Variants in CSMD1 observed in about 807,000 individuals in gnomAD.
CSMD1 encodes the protein CUB and Sushi multiple domains 1, also known as CUB and sushi domain-containing protein 1.
CSMD1 carries 213 observed loss-of-function variants against 417.5 expected under a neutral mutation model. The observed-to-expected ratio is 0.51, with a 90% CI of 0.46 to 0.57. CSMD1 has a LOEUF of 0.57. Ranked by LOEUF, CSMD1 falls within the 20% of genes least tolerant of loss-of-function variation. The pLI is 0.00. For missense variants in CSMD1, 6,923 were observed against 4,529.7 expected, an observed-to-expected ratio of 1.53 and a Z score of -15.17; for synonymous variants, 2,862 against 1,736.8, an observed-to-expected ratio of 1.65 and a Z score of -16.11.
intron 5 of CSMD1, among the ~76,000 whole-genome samples, chr8:3,917,373 C>G (rs538317279): frequency 6.6e-5 from 10 of 152,012 alleles, no homozygotes; most frequent in Non-Finnish European, 1.3e-4. Context: ...CACTTCACCG[C>G]ACTGCTTCCC....
intron 58 of CSMD1, 37 bp downstream of exon 58, chr8:2,966,533 G>C: frequency 1.9e-6 from 3 of 1,573,580 alleles, no homozygotes; most frequent in Non-Finnish European, 2.6e-6. Context: ...GAATTTCATA[G>C]TAACGTCTGA....
chr8:3,505,329 G>T (rs10105613), intron 10 of CSMD1, among the ~76,000 whole-genome samples: 1 of 152,072 alleles, frequency 6.6e-6, no homozygotes, highest in African/African-American at 2.4e-5. Flanking sequence ...CTTTGAAGGA[G>T]CAAAAGATGA....
At chr8:4,972,951 C>T (rs955638918) in intron 1 of CSMD1, among the ~76,000 whole-genome samples, 4 of 152,044 alleles carry the variant, frequency 2.6e-5, no homozygotes, top group African/African-American at 9.7e-5. Context: ...TCCAGCATAG[C>T]CGTCATTTTA....
At position 4,441,260 on chromosome 8, in the gene CSMD1, G is replaced by T. The variant is rs992284276; in HGVS notation, c.303-21195C>A. ...ACTACAGGCCTGAGCACTACACTCA[G>T]TTTTTTTTTTTTTTTTTTTTTTGGT... On this transcript the variant is annotated intron_variant, in intron 2 of 69. Transcript: ENST00000635120. 1.0e-3 allele frequency among the ~76,000 whole-genome samples: 70 copies of T among 66,768 alleles called. 1 individual carries two copies. Among genetic ancestry groups the T allele is most frequent in the Non-Finnish European group, 1.4e-3 (52 of 36,336 alleles). 43.8% of individuals were successfully genotyped at this position (66,768 alleles called of 152,430 possible). A position where few individuals can be genotyped will look rare whatever the true frequency, so the allele number is the denominator to read the frequency against.
chr8:4,239,680 G>T (rs1802278076), intron 3 of CSMD1, among the ~76,000 whole-genome samples: 2 of 152,280 alleles, frequency 1.3e-5, no homozygotes, highest in South Asian at 4.1e-4. Flanking sequence ...TATGTTGGGT[G>T]GCAGAACATC....
At chr8:3,167,157 T>C (rs1820275806) in intron 37 of CSMD1, among the ~76,000 whole-genome samples, 3 of 152,004 alleles carry the variant, frequency 2.0e-5, no homozygotes, top group South Asian at 2.1e-4. Flanking sequence ...TGGTGGCATG[T>C]GCCTGTAATC....
At chr8:3,524,280 T>A (rs989363855) in intron 10 of CSMD1, among the ~76,000 whole-genome samples, 2 of 134,048 alleles carry the variant, frequency 1.5e-5, no homozygotes, top group Non-Finnish European at 3.2e-5. Context: ...CACACGCACA[T>A]ATACATGCAC....
At chr8:3,791,107 C>T (rs1398823712) in intron 5 of CSMD1, among the ~76,000 whole-genome samples, 1 of 152,106 alleles carries the variant, frequency 6.6e-6, no homozygotes, top group East Asian at 1.9e-4. Flanking sequence ...TGATGGAACA[C>T]TTTATAACTT....
At chr8:4,749,230 GT>G (rs1400993486) in intron 1 of CSMD1, among the ~76,000 whole-genome samples, 1 of 152,152 alleles carries the variant, frequency 6.6e-6, no homozygotes, top group Non-Finnish European at 1.5e-5. Flanking sequence ...TCATTAAAGG[GT>G]TAAATGTTAT....
intron 5 of CSMD1, among the ~76,000 whole-genome samples, chr8:3,946,514 T>C (rs1297527581): frequency 6.6e-6 from 1 of 152,154 alleles, no homozygotes; most frequent in African/African-American, 2.4e-5. Context: ...TTCTAGGCCC[T>C]TGGCAATTTC....
intron 11 of CSMD1, 140 bp from the exon 12 acceptor site, chr8:3,468,964 C>T: frequency 1.8e-6 from 1 of 560,012 alleles, no homozygotes; most frequent in Non-Finnish European, 3.2e-6. Flanking sequence ...GACTGTACAG[C>T]CTCTGGTCCA....
intron 55 of CSMD1, among the ~76,000 whole-genome samples, chr8:2,976,204 G>C (rs986336169): frequency 1.3e-5 from 2 of 150,718 alleles, no homozygotes; most frequent in Non-Finnish European, 2.9e-5. Context: ...AGAGGAATGT[G>C]AGGGAAACTC....
chr8:4,528,695 A>G (rs1159499841), intron 2 of CSMD1, among the ~76,000 whole-genome samples: 3 of 152,186 alleles, frequency 2.0e-5, no homozygotes, highest in African/African-American at 4.8e-5. Flanking sequence ...TCCAATGTAT[A>G]TATTAATTAT....
chr8:4,367,608 T>A (rs1019145690), intron 3 of CSMD1, among the ~76,000 whole-genome samples: 1 of 152,140 alleles, frequency 6.6e-6, no homozygotes, highest in Non-Finnish European at 1.5e-5. Context: ...AAAAATGACA[T>A]TGGTACTTTG....
intron 3 of CSMD1, among the ~76,000 whole-genome samples, chr8:4,032,824 G>T (rs1259385914): frequency 6.6e-6 from 1 of 152,128 alleles, no homozygotes; most frequent in African/African-American, 2.4e-5. Context: ...CCATCTGAAT[G>T]GACACATCCT....
chr8:3,493,800 T>A lies in CSMD1; in HGVS notation c.1345-74A>T, dbSNP rs1467991396. ...TGACTTTTAATAGGTATTGCAAATA[T>A]CTAGTTATACTGTTAAATTTTGCTC... On this transcript the variant is annotated intron_variant, in intron 10 of 69. Coordinates refer to ENST00000635120, the MANE Select transcript of CSMD1 (RefSeq NM_033225.6). The A allele has an allele frequency of 7.1e-6, 9 of 1,265,066 alleles. No individual in the cohort carries two copies. The Admixed American group carries it at 8.1e-5, about 11-fold the overall frequency. 78.4% of individuals were successfully genotyped at this position (1,265,066 alleles called of 1,614,324 possible).
intron 3 of CSMD1, among the ~76,000 whole-genome samples, chr8:4,066,412 G>C (rs1194860731): frequency 1.3e-5 from 2 of 151,442 alleles, no homozygotes; most frequent in East Asian, 4.2e-4. Flanking sequence ...TAATTTTACA[G>C]AACACCACAG....
At chr8:3,604,509 G>C (rs933920844) in intron 8 of CSMD1, among the ~76,000 whole-genome samples, 1 of 152,058 alleles carries the variant, frequency 6.6e-6, no homozygotes, top group African/African-American at 2.4e-5. Context: ...CTAAAGAGGA[G>C]AGCCAATACC....
chr8:3,994,915 A>T (rs1205531939), intron 5 of CSMD1, among the ~76,000 whole-genome samples: 3 of 152,094 alleles, frequency 2.0e-5, no homozygotes, highest in African/African-American at 7.2e-5. Flanking sequence ...AGATTATTGG[A>T]AGATCATATG....
Sources: gnomAD v4.1 joint callset for allele counts (sites outside exome capture counted in the v4.1 genomes callset) on GRCh38, gnomAD v4.1.1 for gene constraint, MANE v1.5 for transcripts, NCBI Gene and HGNC (gene_info 2026-07-23, HGNC 2026-07-21) for gene names.